The following RBL1 variants were observed in gnomAD, a reference collection of about 807,000 sequenced individuals.
The protein encoded by RBL1 is RB transcriptional corepressor like 1.
Under a neutral mutation model 123.0 loss-of-function variants are expected in RBL1, and 82 were observed. That is an observed-to-expected ratio of 0.67 (90% CI 0.56 to 0.80). The LOEUF (loss-of-function observed/expected upper bound fraction) is 0.80, where lower values mean the gene tolerates loss of function less well. RBL1 is among the 30% of genes least tolerant of loss of function. The pLI is 0.00. For synonymous variants in RBL1, 405 were observed against 441.3 expected (o/e 0.92, Z 1.03); for missense variants, 1,171 against 1,299.6 (o/e 0.90, Z 1.52).
Position 37,067,132 on chromosome 20 carries a change from G to GAAAAAA in RBL1, c.557-17_557-12dup. The GAAAAAA allele has an allele frequency of 7.0e-7, 1 of 1,424,330 alleles. No homozygotes were observed. The allele number at this position is 1,424,330 out of a possible 1,614,324, so 88.2% of individuals were successfully genotyped here. Reference sequence around the variant, plus strand: ...TCATCCGAAAATTACCTTTATAAGGGAAAAAAAAAAAAAAAAGACACAAAA... The same window carrying GAAAAAA: ...TCATCCGAAAATTACCTTTATAAGGGAAAAAAAAAAAAAAAAAAAAAAGACACAAAA... On this transcript the variant is annotated splice_polypyrimidine_tract_variant and intron_variant, in intron 4 of 21. Coordinates refer to ENST00000373664, the MANE Select transcript of RBL1 (RefSeq NM_002895.5).
chr20:37,028,927 T>C (rs188165139), intron 16 of RBL1, among the ~76,000 whole-genome samples: 4 of 152,272 alleles, frequency 2.6e-5, no homozygotes, highest in Non-Finnish European at 1.5e-5. Context: ...CCACTATCTC[T>C]TACGAATATT....
At chr20:37,050,306 G>A (rs2064887570) in intron 11 of RBL1, among the ~76,000 whole-genome samples, 1 of 151,912 alleles carries the variant, frequency 6.6e-6, no homozygotes, top group African/African-American at 2.4e-5. Flanking sequence ...CACTTTGGGA[G>A]GCCGAGACGG....
At chr20:37,057,004 T>TCTATCTACCTACCTACCTAC (rs1266917133) in intron 9 of RBL1, among the ~76,000 whole-genome samples, 1 of 147,506 alleles carries the variant, frequency 6.8e-6, no homozygotes, top group Non-Finnish European at 1.5e-5. Context: ...TATCTATCTA[T>TCTATCTACCTACCTACCTAC]CTACCTACCT....
At chr20:37,012,737 G>A (rs2064180840) in intron 19 of RBL1, among the ~76,000 whole-genome samples, 1 of 151,430 alleles carries the variant, frequency 6.6e-6, no homozygotes, top group Admixed American at 6.6e-5. Context: ...CGGGAGGGAG[G>A]TGGGGGGGTC....
intron 15 of RBL1, among the ~76,000 whole-genome samples, chr20:37,034,594 C>T (rs149223138): frequency 0.011 from 1,719 of 151,726 alleles, 39 homozygotes; most frequent in African/African-American, 0.039. Flanking sequence ...TGAGGTGGGA[C>T]GATCACTTGA....
intron 16 of RBL1, among the ~76,000 whole-genome samples, chr20:37,026,686 A>G (rs2146237495): frequency 6.8e-6 from 1 of 147,370 alleles, no homozygotes; most frequent in East Asian, 2.0e-4. Flanking sequence ...CCTGGGTGAC[A>G]GAGCAAGACT....
chr20:37,048,041 G>A (rs1180584836), intron 11 of RBL1, among the ~76,000 whole-genome samples: 1 of 151,804 alleles, frequency 6.6e-6, no homozygotes, highest in Admixed American at 6.6e-5. Context: ...ATCAAGGGAG[G>A]ATAAAAAACA....
intron 12 of RBL1, among the ~76,000 whole-genome samples, chr20:37,044,467 A>G (rs1414225998): frequency 1.3e-5 from 2 of 152,022 alleles, no homozygotes; most frequent in Non-Finnish European, 2.9e-5. Flanking sequence ...CCTCCCGAGT[A>G]GCTGGGATTA....
chr20:37,047,099 G>A lies in RBL1; in HGVS notation c.1559C>T (p.Pro520Leu), dbSNP rs140507297. 6.3e-7 allele frequency: 1 copy of A among 1,598,378 alleles called. No individual in the cohort carries two copies. Among genetic ancestry groups the A allele is most frequent in the South Asian group, 1.1e-5 (1 of 87,152 alleles). ...LFAYSSPRTF[P>L]WIIEVLNLQP... ...CAAGTTGAGAACTTCAATAATCCAA[G>A]GAAAAGTACGAGGTGAGCTATAGGC... The change falls in exon 12 of 22, where the codon CCT becomes CTT. Residue 520 changes from proline to leucine, a missense_variant. Physicochemically the swap from Pro to Leu is moderately conservative, Grantham distance 98. Transcript: ENST00000373664.
At chr20:37,051,438 C>A (rs1409102158) in intron 11 of RBL1, among the ~76,000 whole-genome samples, 1 of 152,172 alleles carries the variant, frequency 6.6e-6, no homozygotes, top group East Asian at 1.9e-4. Flanking sequence ...GCGTTGGCCT[C>A]CCAAAGTGTT....
At chr20:37,039,823 A>T (rs570953193) in intron 14 of RBL1, among the ~76,000 whole-genome samples, 1 of 152,146 alleles carries the variant, frequency 6.6e-6, no homozygotes, top group Non-Finnish European at 1.5e-5. Flanking sequence ...CTCCTGCCTC[A>T]GCCTTCTGAG....
At chr20:37,000,509 G>A (rs1201650935) in intron 21 of RBL1, among the ~76,000 whole-genome samples, 1 of 141,462 alleles carries the variant, frequency 7.1e-6, no homozygotes, top group Non-Finnish European at 1.6e-5. Context: ...CCGTCCGGGA[G>A]GTGAGGGGCG....
intron 2 of RBL1, among the ~76,000 whole-genome samples, chr20:37,069,369 C>T (rs2045284187): frequency 6.6e-6 from 1 of 151,780 alleles, no homozygotes; most frequent in African/African-American, 2.4e-5. Context: ...CTCCGCCCGG[C>T]CGCCATCCCA....
intron 9 of RBL1, among the ~76,000 whole-genome samples, chr20:37,058,126 AAAACAAAACAAAAC>A (rs1370228804): frequency 4.9e-5 from 7 of 143,686 alleles, no homozygotes; most frequent in East Asian, 2.4e-4. Flanking sequence ...AAAAAAAAAA[AAAACAAAACAAAAC>A]AAAAAAAAAA....
intron 1 of RBL1, among the ~76,000 whole-genome samples, chr20:37,093,775 G>A (rs1355695692): frequency 6.6e-6 from 1 of 151,554 alleles, no homozygotes; most frequent in Non-Finnish European, 1.5e-5. Context: ...CTGAGTAGCT[G>A]GGATTACAAG....
chr20:37,069,713 T>TC (rs2065250968), intron 2 of RBL1, among the ~76,000 whole-genome samples: 1 of 151,278 alleles, frequency 6.6e-6, no homozygotes, highest in South Asian at 2.1e-4. Flanking sequence ...GAGGAGCGTC[T>TC]CCGCCTGGCA....
At chr20:37,017,063 T>G (rs187607402) in intron 19 of RBL1, among the ~76,000 whole-genome samples, 1 of 151,848 alleles carries the variant, frequency 6.6e-6, no homozygotes, top group Non-Finnish European at 1.5e-5. Flanking sequence ...TGTCTCACAC[T>G]GTGGCATTAA....
chr20:37,053,719 G>T (rs911656163), intron 11 of RBL1, among the ~76,000 whole-genome samples: 1 of 152,084 alleles, frequency 6.6e-6, no homozygotes, highest in African/African-American at 2.4e-5. Context: ...TGGTTTCATT[G>T]TATGTTGTTT....
At chr20:37,066,360 A>T (rs1179780550) in intron 6 of RBL1, among the ~76,000 whole-genome samples, 1 of 152,234 alleles carries the variant, frequency 6.6e-6, no homozygotes, top group East Asian at 1.9e-4. Context: ...CTTTTAGTCA[A>T]CAGTCAGCAG....
Sources: gnomAD v4.1 joint callset for allele counts (sites outside exome capture counted in the v4.1 genomes callset) on GRCh38, gnomAD v4.1.1 for gene constraint, MANE v1.5 for transcripts, NCBI Gene and HGNC (gene_info 2026-07-23, HGNC 2026-07-21) for gene names.